The following L3MBTL4 variants were observed in gnomAD, a reference collection of about 807,000 sequenced individuals.
L3MBTL4 encodes lethal(3)malignant brain tumor-like protein 4.
A neutral mutation model predicts 84.5 loss-of-function variants in L3MBTL4; 70 were observed. The ratio of observed to expected loss-of-function variants is 0.83; its 90% CI spans 0.68 to 1.01. L3MBTL4 has a LOEUF of 1.01. Among genes scored for constraint, L3MBTL4 ranks in the 50% least tolerant of loss-of-function variants. The pLI is 0.00. For missense variants in L3MBTL4, 715 were observed against 754.8 expected, an observed-to-expected ratio of 0.95 and a Z score of 0.62; for synonymous variants, 274 against 259.8, an observed-to-expected ratio of 1.05 and a Z score of -0.52.
chr18:6,239,888 C>A lies in L3MBTL4; in HGVS notation c.553-16G>T, dbSNP rs767288446. Reference sequence around the variant, plus strand: ...TTGGCCCATTCTAACGCAGCACCAGCAGGGGAAGAAGCACAAAAAGAAACA... The same window carrying A: ...TTGGCCCATTCTAACGCAGCACCAGAAGGGGAAGAAGCACAAAAAGAAACA... On this transcript the variant is annotated splice_polypyrimidine_tract_variant and intron_variant, in intron 8 of 18. Coordinates refer to ENST00000317931, the MANE Select transcript of L3MBTL4 (RefSeq NM_001330559.2). 3.1e-6 allele frequency: 5 copies of A among 1,613,810 alleles called. No homozygotes were observed. Among genetic ancestry groups the A allele is most frequent in the Non-Finnish European group, 2.5e-6 (3 of 1,179,902 alleles).
At chr18:6,139,234 T>C (rs549704113) in intron 13 of L3MBTL4, among the ~76,000 whole-genome samples, 27 of 152,242 alleles carry the variant, frequency 1.8e-4, no homozygotes, top group African/African-American at 6.3e-4. Context: ...CACTGTACTA[T>C]ATACTATGCT....
chr18:6,266,777 G>A (rs765730950), intron 4 of L3MBTL4, among the ~76,000 whole-genome samples: 1 of 152,022 alleles, frequency 6.6e-6, no homozygotes, highest in Non-Finnish European at 1.5e-5. Flanking sequence ...TACAAAATTA[G>A]CCAGGTATAA....
chr18:6,181,590 A>G (rs1206310257), intron 12 of L3MBTL4, among the ~76,000 whole-genome samples: 1 of 152,000 alleles, frequency 6.6e-6, no homozygotes, highest in African/African-American at 2.4e-5. Context: ...TTGGCCTCTC[A>G]AAGTGCTGGG....
At chr18:6,316,329 C>T (rs1360192999) in intron 1 of L3MBTL4, among the ~76,000 whole-genome samples, 3 of 152,148 alleles carry the variant, frequency 2.0e-5, no homozygotes, top group African/African-American at 4.8e-5. Flanking sequence ...GACACCAACT[C>T]CTAGGGGAAG....
intron 16 of L3MBTL4, among the ~76,000 whole-genome samples, chr18:6,000,608 A>C (rs12967420): frequency 0.43 from 65,286 of 152,150 alleles, 17,447 homozygotes; most frequent in Non-Finnish European, 0.62. Flanking sequence ...CAAAACAATG[A>C]AACAGAGCAA....
intron 16 of L3MBTL4, chr18:6,031,687 C>A: frequency 1.0e-6 from 1 of 985,246 alleles, no homozygotes. Context: ...GCAGGTCAGC[C>A]CCAGCACGGC....
In L3MBTL4 at chr18:6,138,271, T is replaced by C. The variant is rs1439284933; in HGVS notation, c.1122A>G (p.Pro374=). The part of the protein sequence containing the change: ...PQRTNDLKIL[P]GQAVCPTPGC... ...CGGGAGTAGGACAGACAGCTTGACC[T>C]GGAAGGATCTTCAGGTCATTCGTTC... The change falls in exon 14 of 19, where the codon CCA becomes CCG. Residue 374 remains proline (P), a synonymous_variant. Coordinates refer to ENST00000317931, the MANE Select transcript of L3MBTL4 (RefSeq NM_001330559.2). The C allele has an allele frequency of 3.1e-6, 5 of 1,612,406 alleles. No homozygotes were observed. Among genetic ancestry groups the C allele is most frequent in the Non-Finnish European group, 4.2e-6 (5 of 1,179,120 alleles).
At chr18:6,384,985 G>A (rs1411059909) in intron 1 of L3MBTL4, among the ~76,000 whole-genome samples, 1 of 152,178 alleles carries the variant, frequency 6.6e-6, no homozygotes, top group Non-Finnish European at 1.5e-5. Flanking sequence ...TCCTTTGGGG[G>A]AGAATAGAGA....
intron 1 of L3MBTL4, among the ~76,000 whole-genome samples, chr18:6,344,518 A>AAC (rs1463883953): frequency 6.6e-6 from 1 of 152,210 alleles, no homozygotes; most frequent in Non-Finnish European, 1.5e-5. Context: ...GAGTAGAGAC[A>AAC]ACACTTTCAA....
chr18:6,234,337 G>A (rs993180992), intron 10 of L3MBTL4, among the ~76,000 whole-genome samples: 14 of 152,176 alleles, frequency 9.2e-5, no homozygotes, highest in African/African-American at 3.4e-4. Flanking sequence ...AAACTAAAGA[G>A]CTTCTGCACA....
intron 16 of L3MBTL4, among the ~76,000 whole-genome samples, chr18:6,011,855 T>A (rs959072302): frequency 3.3e-5 from 5 of 151,920 alleles, no homozygotes; most frequent in Admixed American, 6.6e-5. Context: ...GTGACAGGAG[T>A]TTTGGCTGAA....
At chr18:6,201,320 C>T (rs1406895812) in intron 12 of L3MBTL4, among the ~76,000 whole-genome samples, 1 of 152,122 alleles carries the variant, frequency 6.6e-6, no homozygotes, top group African/African-American at 2.4e-5. Context: ...TGGGTTTGGT[C>T]ATGGGAATAT....
At chr18:6,244,973 G>A (rs1030814527) in intron 5 of L3MBTL4, among the ~76,000 whole-genome samples, 5 of 152,068 alleles carry the variant, frequency 3.3e-5, no homozygotes, top group East Asian at 1.9e-4. Flanking sequence ...GTATTGGCAC[G>A]ATCTTGGCTC....
At position 6,213,259 on chromosome 18, in the gene L3MBTL4, T is replaced by C; in HGVS notation, c.871A>G (p.Arg291Gly). 1 of 1,553,628 alleles carries C rather than the reference T, an allele frequency of 6.4e-7. No homozygotes were observed. The highest frequency in any genetic ancestry group is 1.2e-5 in the South Asian group (1 of 85,690). Residue 291 changes from arginine to glycine, a missense_variant and splice_region_variant, in exon 12 of 19, where the codon AGG (arginine) becomes GGG (glycine). Physicochemically the swap from Arg to Gly is moderately radical, Grantham distance 125. Coordinates refer to ENST00000317931, the MANE Select transcript of L3MBTL4 (RefSeq NM_001330559.2). ...NAVPAKVFKM[R>G]LPHGFLPNMK... ...TTTGGCAGAAAACCATGAGGCAACCTCTGTAAATGTTATTATAAGTACAAC... is the reference window on the plus strand; with the variant it reads ...TTTGGCAGAAAACCATGAGGCAACCCCTGTAAATGTTATTATAAGTACAAC...
intron 16 of L3MBTL4, among the ~76,000 whole-genome samples, chr18:5,996,927 C>T (rs1043905890): frequency 6.6e-6 from 1 of 152,104 alleles, no homozygotes; most frequent in African/African-American, 2.4e-5. Context: ...CCCTCCCGAT[C>T]CAGTTCATTT....
intron 13 of L3MBTL4, among the ~76,000 whole-genome samples, chr18:6,165,789 C>G (rs1236764679): frequency 1.3e-5 from 2 of 152,162 alleles, no homozygotes; most frequent in Non-Finnish European, 2.9e-5. Flanking sequence ...GCAAAATAAC[C>G]AGCTAACATC....
At chr18:6,134,732 C>T (rs1349284414) in intron 14 of L3MBTL4, among the ~76,000 whole-genome samples, 3 of 152,206 alleles carry the variant, frequency 2.0e-5, no homozygotes, top group Non-Finnish European at 2.9e-5. Flanking sequence ...CAGCTCCACC[C>T]CTGTGGCTTT....
chr18:6,402,525 A>G (rs559478962), intron 1 of L3MBTL4, among the ~76,000 whole-genome samples: 13 of 152,166 alleles, frequency 8.5e-5, no homozygotes, highest in Non-Finnish European at 1.3e-4. Context: ...AAATCTATCT[A>G]CAAGGCAGCC....
At chr18:6,250,507 T>A (rs1160027492) in intron 5 of L3MBTL4, among the ~76,000 whole-genome samples, 2 of 152,140 alleles carry the variant, frequency 1.3e-5, no homozygotes, top group African/African-American at 4.8e-5. Context: ...TAGGGGTGTA[T>A]CACGGAAGAG....
Sources: gnomAD v4.1 joint callset for allele counts (sites outside exome capture counted in the v4.1 genomes callset) on GRCh38, gnomAD v4.1.1 for gene constraint, MANE v1.5 for transcripts, NCBI Gene and HGNC (gene_info 2026-07-23, HGNC 2026-07-21) for gene names.